The following TMIGD3 variants were observed in gnomAD, a reference collection of about 807,000 sequenced individuals.
TMIGD3 encodes the protein transmembrane and immunoglobulin domain containing 3.
In TMIGD3, 21 loss-of-function variants were observed where a neutral mutation model predicts 28.1. The observed-to-expected ratio is 0.75, with a 90% confidence interval of 0.53 to 1.08. The LOEUF (loss-of-function observed/expected upper bound fraction) is 1.08, where lower values mean the gene tolerates loss of function less well. TMIGD3 is among the 50% of genes least tolerant of loss of function. The probability of loss-of-function intolerance (pLI) is 0.00; values close to 1 mark genes in which losing one functional copy is unlikely to be tolerated. For synonymous variants in TMIGD3, 151 were observed against 162.1 expected, an observed-to-expected ratio of 0.93 and a Z score of 0.52; for missense variants, 416 against 435.6, an observed-to-expected ratio of 0.96 and a Z score of 0.40.
chr1:111,486,561 T>G, intron 4 of TMIGD3, 25 bp downstream of exon 4: 1 of 1,459,676 alleles, frequency 6.9e-7, no homozygotes, highest in Non-Finnish European at 9.5e-7. Context: ...CCCAAGCCCA[T>G]TCATCCGCCA....
chr1:111,559,027 A>G (rs1347463934), intron 1 of TMIGD3, among the ~76,000 whole-genome samples: 2 of 152,194 alleles, frequency 1.3e-5, no homozygotes, highest in African/African-American at 2.4e-5. Context: ...TTCTCTGAAC[A>G]TAATGCAGTT....
chr1:111,502,275 TTC>T (rs1177825866), intron 1 of TMIGD3, among the ~76,000 whole-genome samples: 2 of 69,988 alleles, frequency 2.9e-5, no homozygotes, highest in South Asian at 4.2e-4. Context: ...AGGATATATA[TTC>T]ATTATAATAA....
intron 1 of TMIGD3, chr1:111,500,889 A>G: frequency 2.3e-6 from 1 of 439,282 alleles, no homozygotes; most frequent in Admixed American, 3.8e-5. Flanking sequence ...ACTTACTGAG[A>G]GCTATACAAC....
At chr1:111,499,078 G>A (rs1180899527) in intron 1 of TMIGD3, among the ~76,000 whole-genome samples, 3 of 127,850 alleles carry the variant, frequency 2.3e-5, no homozygotes, top group Non-Finnish European at 3.2e-5. Context: ...GTGACAGAAC[G>A]AGACCTTGTC....
chr1:111,555,124 G>T (rs1657429802), intron 1 of TMIGD3, among the ~76,000 whole-genome samples: 1 of 152,060 alleles, frequency 6.6e-6, no homozygotes, highest in African/African-American at 2.4e-5. Flanking sequence ...CCAACACTCT[G>T]GGAGGCAGAG....
intron 1 of TMIGD3, among the ~76,000 whole-genome samples, chr1:111,539,394 T>C (rs892239352): frequency 3.9e-5 from 6 of 151,906 alleles, no homozygotes; most frequent in African/African-American, 1.5e-4. Context: ...ATCTCCCGAG[T>C]TCAAGCGATT....
chr1:111,530,209 T>C lies in TMIGD3; in HGVS notation c.107+33637A>G, dbSNP rs191330497. ...TAGTATACAGACTACCCTCAAATAA[T>C]ATTATACCATTTCACACAAAGTATG... On this transcript the variant is annotated intron_variant, in intron 1 of 5. Transcript: ENST00000369717. Among the ~76,000 whole-genome samples the C allele has an allele frequency of 3.8e-3, 583 of 152,326 alleles. 2 individuals are homozygous for C. Among genetic ancestry groups the C allele is most frequent in the Non-Finnish European group, 5.4e-3 (367 of 68,008 alleles).
chr1:111,497,846 G>A (rs562177451), intron 1 of TMIGD3, among the ~76,000 whole-genome samples: 47 of 152,204 alleles, frequency 3.1e-4, no homozygotes, highest in Non-Finnish European at 6.0e-4. Context: ...CTATGGCAAC[G>A]TAGTGTACAA....
chr1:111,507,163 T>A (rs1195447655), upstream of TMIGD3, among the ~76,000 whole-genome samples: 1 of 151,724 alleles, frequency 6.6e-6, no homozygotes, highest in Non-Finnish European at 1.5e-5. Context: ...TGGCTCAGCC[T>A]GCAACCTTAG....
chr1:111,563,708 C>T, intron 1 of TMIGD3: 2 of 637,628 alleles, frequency 3.1e-6, no homozygotes, highest in Admixed American at 5.0e-5. Flanking sequence ...TACAAATTAT[C>T]TCTATTTTAC....
At chr1:111,559,126 G>A (rs1295214818) in intron 1 of TMIGD3, among the ~76,000 whole-genome samples, 1 of 152,074 alleles carries the variant, frequency 6.6e-6, no homozygotes, top group Non-Finnish European at 1.5e-5. Context: ...TTAGGACTAA[G>A]TGATAAATAA....
chr1:111,540,192 T>A (rs1656772303), intron 1 of TMIGD3, among the ~76,000 whole-genome samples: 1 of 152,264 alleles, frequency 6.6e-6, no homozygotes, highest in Admixed American at 6.5e-5. Flanking sequence ...CTCATATGTT[T>A]CTGGCTGGGG....
At chr1:111,534,280 G>T (rs964680270) in intron 1 of TMIGD3, among the ~76,000 whole-genome samples, 2 of 152,172 alleles carry the variant, frequency 1.3e-5, no homozygotes, top group African/African-American at 4.8e-5. Flanking sequence ...GATTGCAGGA[G>T]TTGGAGTTGT....
chr1:111,560,162 C>T (rs1224192884), intron 1 of TMIGD3, among the ~76,000 whole-genome samples: 1 of 152,192 alleles, frequency 6.6e-6, no homozygotes, highest in Non-Finnish European at 1.5e-5. Flanking sequence ...ATTCTCTTAG[C>T]ATACTTATCT....
intron 1 of TMIGD3, among the ~76,000 whole-genome samples, chr1:111,493,191 A>G (rs1220525304): frequency 1.3e-5 from 2 of 152,162 alleles, no homozygotes; most frequent in Non-Finnish European, 2.9e-5. Flanking sequence ...TAGTTTGCAT[A>G]TTTGACCCTC....
intron 1 of TMIGD3, among the ~76,000 whole-genome samples, chr1:111,532,779 G>A (rs1026632434): frequency 6.6e-6 from 1 of 152,144 alleles, no homozygotes; most frequent in Non-Finnish European, 1.5e-5. Context: ...TACCAGGAAG[G>A]CCCCGGCATG....
chr1:111,523,870 A>T (rs1656162140), intron 1 of TMIGD3, among the ~76,000 whole-genome samples: 1 of 151,784 alleles, frequency 6.6e-6, no homozygotes, highest in South Asian at 2.1e-4. Context: ...AAGGTTTATC[A>T]ATTTTATTAA....
rs2100985366 is a variant in TMIGD3 at position 111,503,410 on chromosome 1, T to C, written c.-56A>G. The C allele has an allele frequency of 6.5e-7, 1 of 1,544,074 alleles. No homozygotes were observed. The highest frequency in any genetic ancestry group is 1.7e-4 in the Middle Eastern group (1 of 5,844). Reference sequence around the variant, plus strand: ...CAGGTGAGCCAGCAAGATCCGTCTGTAGGGCCAGTGGGCCTAGCTCTCGCC... The same window carrying C: ...CAGGTGAGCCAGCAAGATCCGTCTGCAGGGCCAGTGGGCCTAGCTCTCGCC... On this transcript the variant is annotated 5_prime_UTR_variant, in exon 1 of 6. Coordinates refer to ENST00000369716, the MANE Select transcript of TMIGD3 (RefSeq NM_020683.7).
upstream of TMIGD3, among the ~76,000 whole-genome samples, chr1:111,505,704 C>T (rs1655463249): frequency 6.6e-6 from 1 of 152,218 alleles, no homozygotes; most frequent in Non-Finnish European, 1.5e-5. Context: ...CACTCTTGGT[C>T]ATGTGCCTCA....
Sources: allele counts gnomAD v4.1 joint callset (sites outside exome capture counted in the v4.1 genomes callset), GRCh38; gene constraint gnomAD v4.1.1; transcripts MANE v1.5; gene names NCBI Gene and HGNC (gene_info 2026-07-23, HGNC 2026-07-21).